Variants in DHX35 observed in about 807,000 individuals in gnomAD.
The protein encoded by DHX35 is probable ATP-dependent RNA helicase DHX35.
In DHX35, 84 loss-of-function variants were observed where a neutral mutation model predicts 99.6. The ratio of observed to expected loss-of-function variants is 0.84; its 90% confidence interval spans 0.71 to 1.01. The LOEUF (loss-of-function observed/expected upper bound fraction) is 1.01. Ranked by LOEUF, DHX35 falls within the 50% of genes least tolerant of loss-of-function variation. The pLI is 0.00. For synonymous variants in DHX35, 331 were observed against 316.2 expected (o/e 1.05, Z -0.50); for missense variants, 852 against 888.5 (o/e 0.96, Z 0.52).
At chr20:38,985,542 T>C (rs1005159790) in intron 4 of DHX35, among the ~76,000 whole-genome samples, 2 of 152,188 alleles carry the variant, frequency 1.3e-5, no homozygotes, top group South Asian at 2.1e-4. Context: ...CTAATGGTGT[T>C]CAATTAAGAA....
chr20:39,006,434 C>A, intron 12 of DHX35, 78 bp downstream of exon 12: 1 of 1,486,544 alleles, frequency 6.7e-7, no homozygotes. Context: ...ATGTTTACTC[C>A]TAATGGTAGA....
intron 1 of DHX35, among the ~76,000 whole-genome samples, chr20:38,968,306 G>A (rs1404607170): frequency 6.6e-6 from 1 of 152,192 alleles, no homozygotes. Flanking sequence ...GTGCCAAGAT[G>A]AGAGAAGGAG....
At chr20:38,996,520 C>T (rs1222723849) in intron 8 of DHX35, among the ~76,000 whole-genome samples, 1 of 152,166 alleles carries the variant, frequency 6.6e-6, no homozygotes, top group Admixed American at 6.5e-5. Context: ...GCAGTGACTT[C>T]ATCATGTTTG....
Position 39,018,866 on chromosome 20 carries a change from A to G in DHX35, c.1465A>G (p.Asn489Asp), listed in dbSNP as rs767308666. The change falls in exon 15 of 22, where the codon AAT becomes GAT. Residue 489 changes from asparagine to aspartate, a missense_variant. By Grantham distance (23) the Asn-to-Asp change is conservative. Coordinates refer to ENST00000252011, the MANE Select transcript of DHX35 (RefSeq NM_021931.4). ...CATGAGAATTGCAGAGTTTCCTTTG[A>G]ATCCCATGTTTGCCAAAATGCTGCT... ...LGMRIAEFPL[N>D]PMFAKMLLES... 1.2e-6 allele frequency: 2 copies of G among 1,614,052 alleles called. No homozygotes were observed. The highest frequency in any genetic ancestry group is 1.7e-6 in the Non-Finnish European group (2 of 1,179,988).
intron 14 of DHX35, among the ~76,000 whole-genome samples, chr20:39,016,303 T>G (rs1307841913): frequency 6.6e-6 from 1 of 152,164 alleles, no homozygotes; most frequent in Non-Finnish European, 1.5e-5. Flanking sequence ...GGGATCACCC[T>G]CATGACCCAT....
intron 2 of DHX35, 131 bp downstream of exon 2, chr20:38,969,345 GATGACT>G: frequency 2.6e-6 from 3 of 1,144,182 alleles, no homozygotes; most frequent in Non-Finnish European, 3.5e-6. Context: ...TACTGTAAGG[GATGACT>G]TTTCATACTG....
Position 38,973,634 on chromosome 20 carries a change from A to G in DHX35, c.267+983A>G, listed in dbSNP as rs543905292. Among the ~76,000 whole-genome samples the G allele has an allele frequency of 9.3e-4, 141 of 152,340 alleles. 1 individual carries two copies. Among genetic ancestry groups the G allele is most frequent in the South Asian group, 2.7e-3 (13 of 4,826 alleles). On this transcript the variant is annotated intron_variant, in intron 3 of 21. Transcript: ENST00000252011. ...ATGTGTGAGTCTTCCTTGGTGTTGA[A>G]TTAGTTGCAGTTTGTTCATTCTCAT...
chr20:39,004,730 G>A (rs1046544862), intron 11 of DHX35, among the ~76,000 whole-genome samples: 1 of 152,230 alleles, frequency 6.6e-6, no homozygotes, highest in Non-Finnish European at 1.5e-5. Context: ...GCCTGACTCT[G>A]CCTTTTCCTT....
At chr20:39,015,417 G>C (rs1309902542) in intron 14 of DHX35, among the ~76,000 whole-genome samples, 1 of 152,192 alleles carries the variant, frequency 6.6e-6, no homozygotes, top group Non-Finnish European at 1.5e-5. Flanking sequence ...GTCGATTGAA[G>C]ATGTTATTAG....
rs201240914 is a variant in DHX35 at position 39,033,750 on chromosome 20, G to A, written c.1956-456G>A. ...TTATTTACAGTGCAAGATGAGTTTT[G>A]ACAAATGTGTATACCCATGTAACCT... On this transcript the variant is annotated intron_variant, in intron 20 of 21. Transcript: ENST00000252011. Among the ~76,000 whole-genome samples, 5 of 152,228 alleles carry A rather than the reference G, an allele frequency of 3.3e-5. No individual in the cohort carries two copies. The East Asian group carries it at 7.7e-4, about 23-fold the overall frequency.
At chr20:38,983,668 T>C in intron 3 of DHX35, 31 bp from the exon 4 acceptor site, 1 of 1,596,902 alleles carries the variant, frequency 6.3e-7, no homozygotes, top group Non-Finnish European at 8.6e-7. Flanking sequence ...AGTGGTATCA[T>C]ATGTATACTT....
At chr20:39,006,110 A>T in intron 11 of DHX35, 36 bp from the exon 12 acceptor site, 1 of 1,595,108 alleles carries the variant, frequency 6.3e-7, no homozygotes, top group Non-Finnish European at 8.6e-7. Context: ...AAAAAGAATA[A>T]AATGAGTTTT....
chr20:39,025,138 C>T (rs1326744104), intron 17 of DHX35, 92 bp from the exon 18 acceptor site: 1 of 1,423,862 alleles, frequency 7.0e-7, no homozygotes, highest in Non-Finnish European at 9.4e-7. Context: ...TTGAACAGCA[C>T]ATGGGGGAAG....
chr20:39,015,503 A>G (rs778958703), intron 14 of DHX35, among the ~76,000 whole-genome samples: 5 of 148,304 alleles, frequency 3.4e-5, no homozygotes, highest in Non-Finnish European at 7.5e-5. Flanking sequence ...TCCCAACCTT[A>G]ATAGCGTTTA....
intron 1 of DHX35, among the ~76,000 whole-genome samples, chr20:38,968,601 G>T (rs1319866375): frequency 1.3e-5 from 2 of 152,040 alleles, no homozygotes; most frequent in African/African-American, 4.8e-5. Flanking sequence ...AGGCTGGAGT[G>T]CAGGGGCCCG....
intron 21 of DHX35, among the ~76,000 whole-genome samples, chr20:39,035,894 A>G (rs1443821422): frequency 1.3e-5 from 2 of 152,266 alleles, no homozygotes; most frequent in African/African-American, 4.8e-5. Flanking sequence ...ATAGTTCTTC[A>G]CACATCCCAA....
intron 12 of DHX35, among the ~76,000 whole-genome samples, chr20:39,009,403 A>G (rs933966986): frequency 1.3e-5 from 2 of 148,294 alleles, no homozygotes; most frequent in Admixed American, 6.7e-5. Context: ...GTATTTCTTC[A>G]TGGCACTTTT....
intron 20 of DHX35, among the ~76,000 whole-genome samples, chr20:39,032,927 T>C (rs985818899): frequency 3.9e-5 from 6 of 152,162 alleles, no homozygotes; most frequent in Admixed American, 3.9e-4. Context: ...ACCACACTAA[T>C]GTGGTCAGGA....
intron 21 of DHX35, among the ~76,000 whole-genome samples, chr20:39,036,499 G>A (rs937858811): frequency 4.6e-5 from 7 of 152,116 alleles, no homozygotes; most frequent in African/African-American, 1.2e-4. Flanking sequence ...GCTGAGGTGG[G>A]TGGAACACAT....
Sources: allele counts gnomAD v4.1 joint callset (sites outside exome capture counted in the v4.1 genomes callset), GRCh38; gene constraint gnomAD v4.1.1; transcripts MANE v1.5; gene names NCBI Gene and HGNC (gene_info 2026-07-23, HGNC 2026-07-21).